STK17B: variants seen among roughly 807,000 people sequenced by gnomAD.
The protein encoded by STK17B is serine/threonine-protein kinase 17B.
A neutral mutation model predicts 42.0 loss-of-function variants in STK17B; 21 were observed. The ratio of observed to expected loss-of-function variants is 0.50; its 90% CI spans 0.35 to 0.72. STK17B has a LOEUF of 0.72. STK17B is among the 30% of genes least tolerant of loss of function. STK17B has a pLI of 0.00. For synonymous variants in STK17B, 143 were observed against 148.4 expected, an observed-to-expected ratio of 0.96 and a Z score of 0.26; for missense variants, 349 against 446.0, an observed-to-expected ratio of 0.78 and a Z score of 1.96.
upstream of STK17B, among the ~76,000 whole-genome samples, chr2:196,173,470 A>G (rs1381133307): frequency 6.6e-6 from 1 of 152,212 alleles, no homozygotes; most frequent in African/African-American, 2.4e-5. Flanking sequence ...TTTGTTAACT[A>G]GGACTTACCA....
At chr2:196,143,513 A>C (rs1699522399) in intron 5 of STK17B, 47 bp downstream of exon 5, 1 of 1,511,360 alleles carries the variant, frequency 6.6e-7, no homozygotes, top group Admixed American at 2.0e-5. Flanking sequence ...GGTATCATTT[A>C]CTTAATAAAT....
intron 4 of STK17B, among the ~76,000 whole-genome samples, chr2:196,144,626 T>C (rs1159709348): frequency 6.6e-6 from 1 of 151,202 alleles, no homozygotes; most frequent in Non-Finnish European, 1.5e-5. Flanking sequence ...TACAATGGGA[T>C]GATTCTGGAT....
chr2:196,140,767 G>A (rs1273159224), intron 6 of STK17B, among the ~76,000 whole-genome samples: 3 of 152,000 alleles, frequency 2.0e-5, no homozygotes, highest in African/African-American at 7.2e-5. Context: ...GTTCTGCTAT[G>A]TTGGCCAGGC....
chr2:196,152,110 T>C (rs1462309130), intron 3 of STK17B, among the ~76,000 whole-genome samples: 1 of 27,956 alleles, frequency 3.6e-5, no homozygotes, highest in Non-Finnish European at 9.7e-5. Flanking sequence ...AAAGTGCCTT[T>C]TTTTTTTTTT....
chr2:196,141,821 ATAT>A (rs971076420), intron 5 of STK17B, among the ~76,000 whole-genome samples: 8 of 152,302 alleles, frequency 5.3e-5, no homozygotes, highest in African/African-American at 1.9e-4. Flanking sequence ...AACATGGATA[ATAT>A]TCTTGGAGTA....
At chr2:196,140,577 C>CCTTTTTTTTTTTTT (rs1334737441) in intron 6 of STK17B, among the ~76,000 whole-genome samples, 2 of 101,478 alleles carry the variant, frequency 2.0e-5, no homozygotes, top group Non-Finnish European at 1.9e-5. Context: ...CTTCTTCTAG[C>CCTTTTTTTTTTTTT]TTTTTTTTTT....
At chr2:196,170,052 C>T (rs571552810) in intron 1 of STK17B, among the ~76,000 whole-genome samples, 25 of 152,248 alleles carry the variant, frequency 1.6e-4, no homozygotes, top group African/African-American at 5.8e-4. Context: ...CTTCTATGGA[C>T]CAGTTTTCTT....
rs1699375716 is a variant in STK17B at position 196,134,919 on chromosome 2, A to T, written c.*2528T>A. ...TCATTTGCTAAAAAGCTCTTAAATG[A>T]TTGGTCTATTTTCATATTCCAATCA... On this transcript the variant is annotated 3_prime_UTR_variant, in exon 8 of 8. Transcript: ENST00000263955. 6.6e-6 allele frequency: 1 copy of T among 152,184 alleles called. No homozygotes were observed. The highest frequency in any genetic ancestry group is 2.1e-4 in the South Asian group (1 of 4,834). 9.4% of individuals were successfully genotyped at this position (152,184 alleles called of 1,614,324 possible). A position where few individuals can be genotyped will look rare whatever the true frequency, so the allele number is the denominator to read the frequency against.
At chr2:196,145,781 G>A in intron 4 of STK17B, 130 bp downstream of exon 4, 1 of 818,402 alleles carries the variant, frequency 1.2e-6, no homozygotes, top group Non-Finnish European at 1.8e-6. Flanking sequence ...CGTAAGCAAA[G>A]AGCACACCAG....
At chr2:196,174,794 G>A (rs1259049252), upstream of STK17B, among the ~76,000 whole-genome samples, 2 of 152,252 alleles carry the variant, frequency 1.3e-5, no homozygotes, top group African/African-American at 4.8e-5. Context: ...GAGACTCTAA[G>A]AGACCTCACA....
intron 1 of STK17B, among the ~76,000 whole-genome samples, chr2:196,163,695 T>C (rs1382461093): frequency 1.3e-5 from 2 of 152,170 alleles, no homozygotes; most frequent in Non-Finnish European, 2.9e-5. Context: ...GATAAAATTA[T>C]AATGCAAACA....
chr2:196,169,003 G>A (rs902266323), intron 1 of STK17B, among the ~76,000 whole-genome samples: 3 of 150,864 alleles, frequency 2.0e-5, no homozygotes, highest in South Asian at 2.1e-4. Context: ...ATACAGTGCA[G>A]AAGATTTCTT....
chr2:196,137,781 A>G (rs1217142887), intron 7 of STK17B, 52 bp from the exon 8 acceptor site: 2 of 1,558,250 alleles, frequency 1.3e-6, no homozygotes, highest in Admixed American at 2.0e-5. Flanking sequence ...CAAGTTGAAA[A>G]TGTCTTCAGT....
intron 4 of STK17B, among the ~76,000 whole-genome samples, chr2:196,145,218 T>C (rs1699553835): frequency 1.3e-5 from 2 of 151,798 alleles, no homozygotes; most frequent in Middle Eastern, 3.2e-3. Flanking sequence ...GGGAGAGGCC[T>C]GGGCTGTAGG....
In STK17B at chr2:196,134,261, C is replaced by T. The variant is rs1271570375; in HGVS notation, c.*3186G>A. On this transcript the variant is annotated 3_prime_UTR_variant, in exon 8 of 8. Transcript: ENST00000263955. Reference sequence around the variant, plus strand: ...ATATTCTGGCACAAGTACCTTATTACTGACTAGAGCAGGGGTCCCCAGTCC... The same window carrying T: ...ATATTCTGGCACAAGTACCTTATTATTGACTAGAGCAGGGGTCCCCAGTCC... The T allele has an allele frequency of 6.6e-6, 1 of 152,132 alleles. No homozygotes were observed. The highest frequency in any genetic ancestry group is 2.4e-5 in the African/African-American group (1 of 41,420). The allele number at this position is 152,132 out of a possible 1,614,324, so 9.4% of individuals were successfully genotyped here.
Position 196,134,135 on chromosome 2 carries a change from T to A in STK17B, c.*3312A>T, listed in dbSNP as rs1462138210. 1.3e-5 allele frequency: 2 copies of A among 152,248 alleles called. No individual in the cohort carries two copies. The highest frequency in any genetic ancestry group is 2.9e-5 in the Non-Finnish European group (2 of 68,050). 9.4% of individuals were successfully genotyped at this position (152,248 alleles called of 1,614,324 possible). ...TGAGCTGTCCAGAATGAAAGAGGCT[T>A]GTGCCAGAATGAAAATCAATTACAT... On this transcript the variant is annotated 3_prime_UTR_variant, in exon 8 of 8. Transcript: ENST00000263955.
At chr2:196,174,100 C>T (rs1478330375), upstream of STK17B, 1 of 152,176 alleles carries the variant, frequency 6.6e-6, no homozygotes. Flanking sequence ...CAGCCTCTAG[C>T]CTCCAGAACT....
At chr2:196,174,781 A>G (rs1192931507), upstream of STK17B, among the ~76,000 whole-genome samples, 4 of 152,276 alleles carry the variant, frequency 2.6e-5, no homozygotes, top group Non-Finnish European at 5.9e-5. Context: ...ACTGAGAACC[A>G]GAGAGACTCT....
chr2:196,164,487 AAC>A (rs759276228), intron 1 of STK17B, among the ~76,000 whole-genome samples: 4 of 152,234 alleles, frequency 2.6e-5, no homozygotes, highest in Non-Finnish European at 5.9e-5. Flanking sequence ...ATAAAACAAT[AAC>A]AGATACTATA....
Sources: gnomAD v4.1 joint callset for allele counts (sites outside exome capture counted in the v4.1 genomes callset) on GRCh38, gnomAD v4.1.1 for gene constraint, MANE v1.5 for transcripts, NCBI Gene and HGNC (gene_info 2026-07-23, HGNC 2026-07-21) for gene names.